TMEM132C: variants seen among roughly 807,000 people sequenced by gnomAD.
TMEM132C encodes the protein transmembrane protein 132C.
A neutral mutation model predicts 61.4 loss-of-function variants in TMEM132C; 29 were observed. The observed-to-expected ratio is 0.47, with a 90% CI of 0.35 to 0.64. TMEM132C has a LOEUF of 0.64. Ranked by LOEUF, TMEM132C falls within the 30% of genes least tolerant of loss-of-function variation. The probability of loss-of-function intolerance (pLI) is 0.00; values close to 1 mark genes in which losing one functional copy is unlikely to be tolerated. For missense variants in TMEM132C, 1,408 were observed against 1,476.9 expected (o/e 0.95, Z 0.76); for synonymous variants, 656 against 633.1 (o/e 1.04, Z -0.54).
intron 1 of TMEM132C, among the ~76,000 whole-genome samples, chr12:128,309,722 T>C (rs1264236097): frequency 1.3e-5 from 2 of 150,806 alleles, no homozygotes; most frequent in African/African-American, 4.9e-5. Context: ...TCATTCCTTT[T>C]TTTCTTTTTT....
At chr12:128,579,080 A>G (rs747634503) in intron 3 of TMEM132C, among the ~76,000 whole-genome samples, 3 of 152,186 alleles carry the variant, frequency 2.0e-5, no homozygotes, top group Non-Finnish European at 2.9e-5. Flanking sequence ...ACCACACACA[A>G]GCGAATGCTG....
chr12:128,346,718 A>G (rs770836281), intron 1 of TMEM132C, among the ~76,000 whole-genome samples: 2 of 152,148 alleles, frequency 1.3e-5, no homozygotes, highest in Non-Finnish European at 2.9e-5. Flanking sequence ...GATGGCGTAT[A>G]GGGATGTTAG....
intron 3 of TMEM132C, among the ~76,000 whole-genome samples, chr12:128,583,514 C>G (rs1026699036): frequency 5.9e-5 from 9 of 152,202 alleles, no homozygotes; most frequent in African/African-American, 2.2e-4. Context: ...CACCTTAAAT[C>G]AGACTGGTGT....
At chr12:128,349,694 T>C (rs550075348) in intron 1 of TMEM132C, among the ~76,000 whole-genome samples, 10 of 152,352 alleles carry the variant, frequency 6.6e-5, no homozygotes, top group African/African-American at 1.4e-4. Context: ...GGACAAAGAT[T>C]CTTGCCCTTA....
intron 1 of TMEM132C, among the ~76,000 whole-genome samples, chr12:128,305,453 A>G (rs1336573835): frequency 6.6e-6 from 1 of 151,898 alleles, no homozygotes; most frequent in Non-Finnish European, 1.5e-5. Context: ...CCTTAGTACC[A>G]AGCCTGAGAA....
intron 3 of TMEM132C, among the ~76,000 whole-genome samples, chr12:128,581,658 GCTGATGTCGATTTGC>G (rs1875339115): frequency 6.6e-6 from 1 of 152,234 alleles, no homozygotes; most frequent in South Asian, 2.1e-4. Context: ...GAGCCAGGCA[GCTGATGTCGATTTGC>G]CTGACTTCTC....
chr12:128,521,319 ATGTGTG>A (rs1555229471), intron 2 of TMEM132C, among the ~76,000 whole-genome samples: 203 of 21,652 alleles, frequency 9.4e-3, no homozygotes, highest in Admixed American at 0.038. Flanking sequence ...ATATATATAT[ATGTGTG>A]TGTGTGTGTG....
intron 1 of TMEM132C, among the ~76,000 whole-genome samples, chr12:128,365,414 T>C (rs4882748): frequency 0.8 from 121,570 of 152,096 alleles, 50,309 homozygotes; most frequent in Non-Finnish European, 0.91. Context: ...TTTTACACTA[T>C]TATACTATTA....
At chr12:128,607,141 C>T (rs1478458190) in intron 3 of TMEM132C, among the ~76,000 whole-genome samples, 1 of 152,092 alleles carries the variant, frequency 6.6e-6, no homozygotes, top group Admixed American at 6.6e-5. Context: ...TTGAGAAAGC[C>T]TCCGGATGTG....
intron 4 of TMEM132C, among the ~76,000 whole-genome samples, chr12:128,635,606 G>T (rs1281448745): frequency 2.0e-5 from 3 of 151,826 alleles, no homozygotes; most frequent in African/African-American, 7.3e-5. Flanking sequence ...CCCTTTGAGG[G>T]GCCACCTGCC....
At chr12:128,620,845 T>A (rs1565994046) in intron 4 of TMEM132C, among the ~76,000 whole-genome samples, 2 of 152,092 alleles carry the variant, frequency 1.3e-5, no homozygotes, top group Non-Finnish European at 2.9e-5. Flanking sequence ...CATGTTCCTA[T>A]CTCTCTGCAT....
intron 1 of TMEM132C, among the ~76,000 whole-genome samples, chr12:128,362,243 A>C (rs1288845934): frequency 6.6e-6 from 1 of 152,048 alleles, no homozygotes; most frequent in African/African-American, 2.4e-5. Flanking sequence ...ACGGTGCTGG[A>C]AACTCCAAGC....
In TMEM132C at chr12:128,695,835, C is replaced by T. The variant is rs1267437620; in HGVS notation, c.1661C>T (p.Thr554Ile). The change falls in exon 7 of 9, where the codon ACT (threonine) becomes ATT (isoleucine). Residue 554 changes from threonine (T) to isoleucine (I), a missense_variant. Transcript: ENST00000435159. ...RVPIVTNKRP[T>I]RESEDEDEEE... ...TCTTTGTCCCTTCCCACAAGGCCCA[C>T]TCGTGAGAGCGAGGATGAGGACGAG... The T allele has an allele frequency of 9.7e-6, 15 of 1,543,324 alleles. No individual in the cohort carries two copies. Among genetic ancestry groups the T allele is most frequent in the South Asian group, 8.4e-5 (7 of 83,214 alleles).
chr12:128,572,878 A>T (rs1401503340), intron 3 of TMEM132C, among the ~76,000 whole-genome samples: 1 of 152,260 alleles, frequency 6.6e-6, no homozygotes, highest in Non-Finnish European at 1.5e-5. Context: ...ATACCAGAGA[A>T]ATGCAAATCA....
At chr12:128,371,629 G>C (rs1874030789) in intron 1 of TMEM132C, among the ~76,000 whole-genome samples, 2 of 152,202 alleles carry the variant, frequency 1.3e-5, no homozygotes, top group South Asian at 4.1e-4. Flanking sequence ...CTGGAATGCA[G>C]TGGCACAATC....
intron 1 of TMEM132C, among the ~76,000 whole-genome samples, chr12:128,269,347 CGTGTGTGTGT>C (rs58843737): frequency 5.6e-5 from 8 of 143,048 alleles, no homozygotes; most frequent in African/African-American, 1.6e-4. Context: ...GCTCACATTC[CGTGTGTGTGT>C]GTGTGTGTGT....
intron 1 of TMEM132C, among the ~76,000 whole-genome samples, chr12:128,381,936 C>T (rs776970788): frequency 3.3e-5 from 5 of 152,114 alleles, no homozygotes; most frequent in Admixed American, 6.5e-5. Flanking sequence ...AAGGGGAAAC[C>T]GTCTCGGATA....
At chr12:128,643,921 A>T (rs1218811651) in intron 4 of TMEM132C, among the ~76,000 whole-genome samples, 1 of 152,220 alleles carries the variant, frequency 6.6e-6, no homozygotes, top group Admixed American at 6.5e-5. Context: ...CAAGGTCTAA[A>T]TATAATATTA....
intron 4 of TMEM132C, among the ~76,000 whole-genome samples, chr12:128,640,197 G>A (rs1954147196): frequency 6.6e-6 from 1 of 152,166 alleles, no homozygotes; most frequent in Non-Finnish European, 1.5e-5. Flanking sequence ...TGTGTAATTA[G>A]CACAGGGTTT....
Sources: gnomAD v4.1 joint callset for allele counts (sites outside exome capture counted in the v4.1 genomes callset) on GRCh38, gnomAD v4.1.1 for gene constraint, MANE v1.5 for transcripts, NCBI Gene and HGNC (gene_info 2026-07-23, HGNC 2026-07-21) for gene names.